The following LCORL variants were observed in gnomAD, a reference collection of about 807,000 sequenced individuals.
LCORL encodes the protein ligand dependent nuclear receptor corepressor like.
A neutral mutation model predicts 141.8 loss-of-function variants in LCORL; 41 were observed. That is an observed-to-expected ratio of 0.29 (90% CI 0.23 to 0.38). The LOEUF (loss-of-function observed/expected upper bound fraction) is 0.38, where lower values mean the gene tolerates loss of function less well. Among genes scored for constraint, LCORL ranks in the 10% least tolerant of loss-of-function variants. The pLI, the probability that LCORL is intolerant of heterozygous loss-of-function variation, is 1.00. For synonymous variants in LCORL, 618 were observed against 694.1 expected (o/e 0.89, Z 1.72); for missense variants, 1,759 against 2,035.0 (o/e 0.86, Z 2.61).
At chr4:18,017,790 C>T (rs7698271) in intron 1 of LCORL, among the ~76,000 whole-genome samples, 36,991 of 151,958 alleles carry the variant, frequency 0.24, 5,853 homozygotes, top group African/African-American at 0.45. Context: ...CAGATATAAT[C>T]TGAATATGGA....
At chr4:17,925,145 G>A (rs112913131) in intron 4 of LCORL, among the ~76,000 whole-genome samples, 17 of 152,172 alleles carry the variant, frequency 1.1e-4, no homozygotes, top group African/African-American at 3.4e-4. Flanking sequence ...ATTGCCACCT[G>A]GCTACTTTGG....
intron 7 of LCORL, among the ~76,000 whole-genome samples, chr4:17,846,414 G>A (rs182304455): frequency 6.6e-5 from 10 of 152,190 alleles, no homozygotes; most frequent in African/African-American, 9.6e-5. Flanking sequence ...ATATGCCTGA[G>A]GTCATACAGT....
At chr4:17,867,107 A>G in intron 7 of LCORL, 1 of 275,696 alleles carries the variant, frequency 3.6e-6, no homozygotes, top group Non-Finnish European at 5.5e-6. Context: ...CTGGATAAAG[A>G]CAGATATTGA....
intron 4 of LCORL, chr4:17,912,245 T>C (rs1398586550): frequency 2.8e-6 from 2 of 725,328 alleles, no homozygotes; most frequent in Admixed American, 1.7e-5. Context: ...AGCAACATTA[T>C]GGGCTCCTGC....
chr4:17,959,880 A>G (rs558652920), intron 4 of LCORL, among the ~76,000 whole-genome samples: 1 of 152,286 alleles, frequency 6.6e-6, no homozygotes, highest in East Asian at 1.9e-4. Flanking sequence ...ACTCAGAAGT[A>G]TTTCCTGTCT....
intron 4 of LCORL, among the ~76,000 whole-genome samples, chr4:17,938,409 GTTTC>G (rs1174336703): frequency 2.4e-4 from 33 of 140,410 alleles, no homozygotes; most frequent in Non-Finnish European, 4.3e-4. Context: ...TTTTGTAACT[GTTTC>G]TTTCTTTTTT....
At chr4:17,934,021 G>A (rs1220332605) in intron 4 of LCORL, among the ~76,000 whole-genome samples, 1 of 151,900 alleles carries the variant, frequency 6.6e-6, no homozygotes, top group African/African-American at 2.4e-5. Flanking sequence ...GCTACCTCTG[G>A]TCCTATGATT....
intron 4 of LCORL, among the ~76,000 whole-genome samples, chr4:17,927,457 T>C (rs1481213433): frequency 6.6e-6 from 1 of 152,246 alleles, no homozygotes; most frequent in Non-Finnish European, 1.5e-5. Context: ...AGGTGATGCA[T>C]TGTGCAGAAA....
At chr4:17,870,867 G>T (rs1726261081) in intron 7 of LCORL, among the ~76,000 whole-genome samples, 1 of 152,116 alleles carries the variant, frequency 6.6e-6, no homozygotes, top group Admixed American at 6.5e-5. Context: ...CAGTACAAAT[G>T]TGGTGAAGTA....
intron 2 of LCORL, among the ~76,000 whole-genome samples, chr4:17,971,509 C>T (rs984630894): frequency 6.7e-6 from 1 of 149,234 alleles, no homozygotes; most frequent in African/African-American, 2.4e-5. Context: ...CAGCCTTATA[C>T]AGAATACATC....
chr4:17,960,702 C>A (rs1294759030), intron 4 of LCORL, among the ~76,000 whole-genome samples: 1 of 152,088 alleles, frequency 6.6e-6, no homozygotes, highest in Non-Finnish European at 1.5e-5. Flanking sequence ...GCAATTCTCC[C>A]ACCTCAGCCC....
rs1041488070 is a variant in LCORL at position 17,954,046 on chromosome 4, C to A, written c.430+7857G>T. On this transcript the variant is annotated intron_variant, in intron 4 of 7. Transcript: ENST00000635767. ...GGTGTGGTGGCGGGCGCCTGTAATC[C>A]CAGCTACAGGGGAGGCTGAGGCAGG... 1.8e-4 allele frequency among the ~76,000 whole-genome samples: 28 copies of A among 152,160 alleles called. 1 individual carries two copies. The highest frequency in any genetic ancestry group is 6.0e-4 in the African/African-American group (25 of 41,508).
chr4:18,009,994 G>A (rs960284663), intron 1 of LCORL, among the ~76,000 whole-genome samples: 3 of 152,056 alleles, frequency 2.0e-5, no homozygotes, highest in Non-Finnish European at 4.4e-5. Context: ...CAGAAAGGGA[G>A]GAGGAAGAAG....
intron 5 of LCORL, among the ~76,000 whole-genome samples, chr4:17,887,929 C>T (rs1386824087): frequency 6.6e-6 from 1 of 151,956 alleles, no homozygotes; most frequent in African/African-American, 2.4e-5. Context: ...CCCGGCAACC[C>T]CTCCTAATTC....
At chr4:17,961,541 T>C (rs190394172) in intron 4 of LCORL, among the ~76,000 whole-genome samples, 3 of 152,156 alleles carry the variant, frequency 2.0e-5, no homozygotes, top group Admixed American at 1.3e-4. Flanking sequence ...CAATATAATA[T>C]TATATATCTG....
chr4:17,986,054 G>A (rs987649752), intron 1 of LCORL, among the ~76,000 whole-genome samples: 7 of 152,150 alleles, frequency 4.6e-5, no homozygotes, highest in Non-Finnish European at 1.0e-4. Flanking sequence ...TCTTGGTTGA[G>A]AATATTGTTA....
chr4:17,956,993 G>A (rs1375752951), intron 4 of LCORL, among the ~76,000 whole-genome samples: 3 of 151,882 alleles, frequency 2.0e-5, no homozygotes, highest in African/African-American at 7.2e-5. Flanking sequence ...AAAAGGGATA[G>A]GTAAAATTAG....
At chr4:17,851,629 T>C (rs780451025) in intron 7 of LCORL, among the ~76,000 whole-genome samples, 2 of 152,238 alleles carry the variant, frequency 1.3e-5, no homozygotes, top group African/African-American at 2.4e-5. Flanking sequence ...TTTTAATCTA[T>C]TGCATAAAAT....
In LCORL at chr4:18,021,692, G is replaced by A. The variant is rs753684230; in HGVS notation, c.60C>T (p.Ala20=). The A allele has an allele frequency of 3.9e-6, 6 of 1,531,284 alleles. No individual in the cohort carries two copies. Among genetic ancestry groups the A allele is most frequent in the African/African-American group, 1.4e-5 (1 of 71,000 alleles). The allele number at this position is 1,531,284 out of a possible 1,614,324, so 94.9% of individuals were successfully genotyped here. The stretch of plus-strand genomic sequence containing the variant: ...ACCGAGGGCTCCGGCACTGAGCGGC[G>A]GCGGCGGCGGCGGCAGCAGCGGCGG... Residue 20 remains alanine, a synonymous_variant, in exon 1 of 8, where the codon GCC becomes GCT. Coordinates refer to ENST00000635767, the Ensembl canonical transcript of LCORL. This position sits in a 1 kb window ranked among gnomAD's most constrained non-coding sequence, Gnocchi z 5.5.
Sources: allele counts gnomAD v4.1 joint callset (sites outside exome capture counted in the v4.1 genomes callset), GRCh38; gene constraint gnomAD v4.1.1; non-coding constraint Gnocchi (gnomAD v3.1); transcripts MANE v1.5; gene names NCBI Gene and HGNC (gene_info 2026-07-23, HGNC 2026-07-21).